Variants in NINL observed in about 807,000 individuals in gnomAD.
NINL encodes the protein ninein like.
NINL carries 153 observed loss-of-function variants against 160.3 expected under a neutral mutation model. The observed-to-expected ratio is 0.95, with a 90% CI of 0.84 to 1.09. The LOEUF (loss-of-function observed/expected upper bound fraction) is 1.09, where lower values mean the gene tolerates loss of function less well. Ranked by LOEUF, NINL falls within the 50% of genes least tolerant of loss-of-function variation. NINL has a pLI of 0.00. For missense variants in NINL, 1,829 were observed against 1,764.0 expected (o/e 1.04, Z -0.66); for synonymous variants, 800 against 734.8 (o/e 1.09, Z -1.43).
chr20:25,500,578 CCACTAAAGGCTACCTT>C (rs1396298789), intron 8 of NINL, among the ~76,000 whole-genome samples: 2 of 152,226 alleles, frequency 1.3e-5, no homozygotes, highest in African/African-American at 4.8e-5. Context: ...AATGTCTAAG[CCACTAAAGGCTACCTT>C]CAAATGGACT....
intron 8 of NINL, chr20:25,498,926 C>A (rs928869148): frequency 3.0e-6 from 3 of 985,318 alleles, no homozygotes; most frequent in Non-Finnish European, 3.6e-6. Flanking sequence ...ACTGAAACAA[C>A]AAAAAATAGA....
intron 14 of NINL, 181 bp downstream of exon 14, chr20:25,481,787 T>C: frequency 1.1e-6 from 1 of 870,054 alleles, no homozygotes; most frequent in Middle Eastern, 3.4e-4. Context: ...ACCTTCCGTG[T>C]TGCAAGGTCA....
intron 21 of NINL, among the ~76,000 whole-genome samples, chr20:25,460,023 CCTGTGAG>C (rs2146310765): frequency 6.6e-6 from 1 of 152,258 alleles, no homozygotes; most frequent in Non-Finnish European, 1.5e-5. Context: ...TGGAGAGGGC[CCTGTGAG>C]TCCCCATCCC....
At chr20:25,502,334 T>C (rs573144529) in intron 7 of NINL, among the ~76,000 whole-genome samples, 21 of 152,310 alleles carry the variant, frequency 1.4e-4, no homozygotes, top group Non-Finnish European at 2.2e-4. Context: ...CTACCCCCAG[T>C]GCAGAACAGC....
intron 1 of NINL, among the ~76,000 whole-genome samples, chr20:25,533,486 G>C (rs188966713): frequency 2.6e-5 from 4 of 152,062 alleles, no homozygotes; most frequent in African/African-American, 4.8e-5. Context: ...CCTATAAAGT[G>C]TATCTAAACA....
intron 13 of NINL, 107 bp from the exon 14 acceptor site, chr20:25,482,207 G>A (rs2063405864): frequency 1.6e-6 from 2 of 1,288,434 alleles, no homozygotes; most frequent in East Asian, 4.9e-5. Flanking sequence ...GGTGCACTGT[G>A]AGGTGAGGGC....
At chr20:25,546,814 G>C (rs537715187) in intron 1 of NINL, among the ~76,000 whole-genome samples, 1 of 151,164 alleles carries the variant, frequency 6.6e-6, no homozygotes, top group Non-Finnish European at 1.5e-5. Flanking sequence ...CCTCAGGTCA[G>C]CTGGGCTGCT....
chr20:25,556,760 T>A (rs1600337151), intron 1 of NINL, among the ~76,000 whole-genome samples: 1 of 152,096 alleles, frequency 6.6e-6, no homozygotes, highest in African/African-American at 2.4e-5. Context: ...GGAGCTGAGA[T>A]CGCACTTCAG....
intron 1 of NINL, among the ~76,000 whole-genome samples, chr20:25,555,986 A>AT (rs1469730883): frequency 6.7e-6 from 1 of 148,368 alleles, no homozygotes; most frequent in African/African-American, 2.5e-5. Flanking sequence ...ATTTTCAATA[A>AT]AAAAAAAAAA....
intron 1 of NINL, among the ~76,000 whole-genome samples, chr20:25,528,391 T>C (rs1446503037): frequency 6.6e-6 from 1 of 152,150 alleles, no homozygotes; most frequent in Non-Finnish European, 1.5e-5. Flanking sequence ...GAATAAAAAC[T>C]TTATAATAAT....
chr20:25,490,077 T>G (rs1212622307), intron 11 of NINL, 92 bp from the exon 12 acceptor site: 15 of 1,170,794 alleles, frequency 1.3e-5, no homozygotes, highest in Admixed American at 1.7e-5. Flanking sequence ...CTCATAGGAC[T>G]GGGCATCAGG....
intron 18 of NINL, among the ~76,000 whole-genome samples, chr20:25,468,211 T>TGA (rs1268489591): frequency 8.1e-6 from 1 of 123,534 alleles, no homozygotes; most frequent in Non-Finnish European, 1.8e-5. Context: ...ACTCCTGCTC[T>TGA]GTCCCCTGAC....
intron 13 of NINL, among the ~76,000 whole-genome samples, chr20:25,484,918 C>T (rs1464100639): frequency 2.0e-5 from 3 of 152,124 alleles, no homozygotes; most frequent in Non-Finnish European, 4.4e-5. Flanking sequence ...AGAAACCAGG[C>T]GACACCTCGG....
intron 5 of NINL, among the ~76,000 whole-genome samples, chr20:25,506,225 C>A (rs2063959822): frequency 6.6e-6 from 1 of 152,164 alleles, no homozygotes; most frequent in Admixed American, 6.5e-5. Flanking sequence ...CACATCACTG[C>A]ACTCCAGCCT....
chr20:25,530,315 A>T (rs139894993), intron 1 of NINL, among the ~76,000 whole-genome samples: 16 of 152,284 alleles, frequency 1.1e-4, no homozygotes, highest in African/African-American at 2.6e-4. Context: ...ATTATTTTCC[A>T]ACTTGTTTTT....
chr20:25,512,187 G>A (rs1053439646), intron 4 of NINL, among the ~76,000 whole-genome samples: 1 of 152,202 alleles, frequency 6.6e-6, no homozygotes, highest in East Asian at 1.9e-4. Context: ...GCCCCAGGAC[G>A]CATTGGCTCA....
At chr20:25,471,856 A>C (rs1016118224) in intron 17 of NINL, among the ~76,000 whole-genome samples, 2 of 152,234 alleles carry the variant, frequency 1.3e-5, no homozygotes, top group Non-Finnish European at 2.9e-5. Context: ...ATTAACATCA[A>C]GCAAATATGA....
At chr20:25,575,200 G>A (rs912851402) in intron 1 of NINL, among the ~76,000 whole-genome samples, 1 of 152,058 alleles carries the variant, frequency 6.6e-6, no homozygotes, top group South Asian at 2.1e-4. Context: ...TGTAATCCCA[G>A]CACTTTGGGA....
At chr20:25,556,091 G>T (rs1809575318) in intron 1 of NINL, among the ~76,000 whole-genome samples, 1 of 152,098 alleles carries the variant, frequency 6.6e-6, no homozygotes, top group African/African-American at 2.4e-5. Flanking sequence ...GACCACCCTG[G>T]GCAAACATAG....
Sources: gnomAD v4.1 joint callset for allele counts (sites outside exome capture counted in the v4.1 genomes callset) on GRCh38, gnomAD v4.1.1 for gene constraint, MANE v1.5 for transcripts, NCBI Gene and HGNC (gene_info 2026-07-23, HGNC 2026-07-21) for gene names.